The following PRR16 variants were observed in gnomAD, a reference collection of about 807,000 sequenced individuals.
The protein encoded by PRR16 is protein Largen.
In PRR16, 6 loss-of-function variants were observed where a neutral mutation model predicts 18.2. That is an observed-to-expected ratio of 0.33 (90% CI 0.18 to 0.65). The LOEUF (loss-of-function observed/expected upper bound fraction) is 0.65. Ranked by LOEUF, PRR16 falls within the 30% of genes least tolerant of loss-of-function variation. PRR16 has a pLI of 0.74. For missense variants in PRR16, 412 were observed against 376.6 expected (o/e 1.09, Z -0.78); for synonymous variants, 151 against 147.8 (o/e 1.02, Z -0.16).
At chr5:120,649,746 G>A (rs931329202) in intron 1 of PRR16, among the ~76,000 whole-genome samples, 35 of 151,968 alleles carry the variant, frequency 2.3e-4, no homozygotes, top group African/African-American at 7.5e-4. Flanking sequence ...ATATTCTTCA[G>A]TCTTATTTCC....
chr5:120,668,991 A>G (rs542394158), intron 1 of PRR16, among the ~76,000 whole-genome samples: 5 of 152,206 alleles, frequency 3.3e-5, no homozygotes, highest in Non-Finnish European at 5.9e-5. Flanking sequence ...ATGATAGCTT[A>G]TTGTTTAGGA....
chr5:120,545,425 G>T (rs767118888), intron 1 of PRR16, among the ~76,000 whole-genome samples: 55 of 152,142 alleles, frequency 3.6e-4, no homozygotes, highest in Non-Finnish European at 5.6e-4. Context: ...TAATTTTACA[G>T]TTGAAAACTC....
chr5:120,707,952 G>A, the PRR16 span, among the ~76,000 whole-genome samples: 1 of 151,902 alleles, frequency 6.6e-6, no homozygotes, highest in African/African-American at 2.4e-5. Context: ...TGAGAGAGAA[G>A]TCTTCATCTC....
intron 1 of PRR16, among the ~76,000 whole-genome samples, chr5:120,592,496 G>A (rs1048271833): frequency 1.3e-5 from 2 of 152,104 alleles, no homozygotes; most frequent in Non-Finnish European, 2.9e-5. Context: ...TGGTAAATAA[G>A]AATTTTTTAT....
chr5:120,479,636 G>A (rs888623943), intron 1 of PRR16, among the ~76,000 whole-genome samples: 1 of 151,792 alleles, frequency 6.6e-6, no homozygotes, highest in African/African-American at 2.4e-5. Context: ...TATACTATTG[G>A]CATTTAATAT....
At chr5:120,685,891 ATT>A (rs3833650) in intron 1 of PRR16, 61 bp from the exon 2 acceptor site, 112,471 of 1,482,778 alleles carry the variant, frequency 0.076, 4,584 homozygotes, top group South Asian at 0.088. Context: ...ACAAAAATAA[ATT>A]GTTTCTAGTA....
In PRR16 at chr5:120,466,142, T is replaced by G. The variant is rs547346457; in HGVS notation, c.159+1497T>G. Among the ~76,000 whole-genome samples, 8 of 152,278 alleles carry G rather than the reference T, an allele frequency of 5.3e-5. 1 individual carries two copies. Among genetic ancestry groups the G allele is most frequent in the African/African-American group, 1.9e-4 (8 of 41,554 alleles). On this transcript the variant is annotated intron_variant, in intron 1 of 1. Coordinates refer to ENST00000407149, the MANE Select transcript of PRR16 (RefSeq NM_001300783.2). ...TAGATTCAGGGATAAAACTTGTTCG[T>G]GTTTTCAGGGTTTCTGTAGGATTAT...
the PRR16 span, among the ~76,000 whole-genome samples, chr5:120,782,697 GAGAA>G: frequency 2.0e-5 from 3 of 152,248 alleles, no homozygotes; most frequent in African/African-American, 4.8e-5. Flanking sequence ...GAGACTGGAT[GAGAA>G]AGAAAGAGCT....
chr5:120,791,539 A>C, the PRR16 span, among the ~76,000 whole-genome samples: 1 of 151,988 alleles, frequency 6.6e-6, no homozygotes, highest in Non-Finnish European at 1.5e-5. Context: ...ACTAATCCTA[A>C]GTGTTCTCAT....
intron 1 of PRR16, among the ~76,000 whole-genome samples, chr5:120,615,171 C>T (rs1754465146): frequency 2.0e-5 from 3 of 151,914 alleles, no homozygotes; most frequent in Non-Finnish European, 1.5e-5. Context: ...ATTTTTTAGC[C>T]CTCTTTTCAA....
chr5:120,488,460 C>T (rs200208324), intron 1 of PRR16, among the ~76,000 whole-genome samples: 81 of 152,038 alleles, frequency 5.3e-4, no homozygotes, highest in East Asian at 2.5e-3. Flanking sequence ...TATTCTCTGA[C>T]GGTAGTTTGT....
At chr5:120,551,642 A>G (rs748553855) in intron 1 of PRR16, among the ~76,000 whole-genome samples, 1 of 152,028 alleles carries the variant, frequency 6.6e-6, no homozygotes, top group African/African-American at 2.4e-5. Flanking sequence ...CGAACTACCA[A>G]TGATTGTTTT....
chr5:120,671,274 CAG>C (rs538452334), intron 1 of PRR16, among the ~76,000 whole-genome samples: 114 of 152,172 alleles, frequency 7.5e-4, no homozygotes, highest in African/African-American at 2.5e-3. Flanking sequence ...GATCAGATAT[CAG>C]AGTTTCTTTT....
At chr5:120,677,319 G>C (rs896934297) in intron 1 of PRR16, among the ~76,000 whole-genome samples, 2 of 152,118 alleles carry the variant, frequency 1.3e-5, no homozygotes, top group Non-Finnish European at 2.9e-5. Context: ...CCTCGCCTCT[G>C]TTAGGCTTAT....
At chr5:120,514,461 T>A (rs961352898) in intron 1 of PRR16, among the ~76,000 whole-genome samples, 1 of 152,240 alleles carries the variant, frequency 6.6e-6, no homozygotes, top group Non-Finnish European at 1.5e-5. Context: ...GCTTCCTTTT[T>A]AATTATAAAT....
intron 1 of PRR16, among the ~76,000 whole-genome samples, chr5:120,661,380 T>C (rs1328647025): frequency 1.3e-5 from 2 of 152,076 alleles, no homozygotes; most frequent in Admixed American, 6.6e-5. Context: ...CTTGGTTCCA[T>C]TGAAGTGCTG....
intron 1 of PRR16, among the ~76,000 whole-genome samples, chr5:120,549,334 C>G (rs931749388): frequency 1.1e-4 from 17 of 152,108 alleles, no homozygotes; most frequent in African/African-American, 3.6e-4. Context: ...GCCTTGACCT[C>G]TCAAAGTGCT....
rs144452675 is a variant in PRR16, at chr5:120,676,899, G to A, written c.160-9055G>A. 6.9e-3 allele frequency among the ~76,000 whole-genome samples: 1,047 copies of A among 152,184 alleles called. 34 individuals carry two copies. In the East Asian group the frequency reaches 0.08, roughly 12 times the overall value. ...CATTTTCAGAAGTCAAAAGAGGCCC[G>A]AGTCACTCCTAATTTTTAAGGTTTG... On this transcript the variant is annotated intron_variant, in intron 1 of 1. Coordinates refer to ENST00000407149, the MANE Select transcript of PRR16 (RefSeq NM_001300783.2).
At position 120,494,649 on chromosome 5, in the gene PRR16, A is replaced by G. The variant is rs1750182523; in HGVS notation, c.159+30004A>G. Among the ~76,000 whole-genome samples, 3 of 152,124 alleles carry G rather than the reference A, an allele frequency of 2.0e-5. 1 individual carries two copies. Among genetic ancestry groups the G allele is most frequent in the Admixed American group, 2.0e-4 (3 of 15,266 alleles). On this transcript the variant is annotated intron_variant, in intron 1 of 1. Coordinates refer to ENST00000407149, the MANE Select transcript of PRR16 (RefSeq NM_001300783.2). Reference sequence around the variant, plus strand: ...AGTTTATCAATTTGCAAATTTTATGAATCAGGCTATTGGTGTTAAGTATAA... The same window carrying G: ...AGTTTATCAATTTGCAAATTTTATGGATCAGGCTATTGGTGTTAAGTATAA...
Sources: allele counts gnomAD v4.1 joint callset (sites outside exome capture counted in the v4.1 genomes callset), GRCh38; gene constraint gnomAD v4.1.1; transcripts MANE v1.5; gene names NCBI Gene and HGNC (gene_info 2026-07-23, HGNC 2026-07-21).